The following GALNT18 variants were observed in gnomAD, a reference collection of about 807,000 sequenced individuals.
GALNT18 encodes the protein GalNAc-transferase 18.
Under a neutral mutation model 69.5 loss-of-function variants are expected in GALNT18, and 44 were observed. That is an observed-to-expected ratio of 0.63 (90% CI 0.50 to 0.81). The LOEUF is 0.81. Ranked by LOEUF, GALNT18 falls within the 40% of genes least tolerant of loss-of-function variation. The pLI is 0.00. For synonymous variants in GALNT18, 364 were observed against 318.2 expected (o/e 1.14, Z -1.53); for missense variants, 715 against 810.0 (o/e 0.88, Z 1.42).
chr11:11,576,263 C>G (rs926661398), intron 1 of GALNT18, among the ~76,000 whole-genome samples: 1 of 152,220 alleles, frequency 6.6e-6, no homozygotes, highest in Non-Finnish European at 1.5e-5. Context: ...AGACCCTCAT[C>G]GCTGCTCACC....
In GALNT18 at chr11:11,538,921, GC is replaced by G. The variant is rs373709701; in HGVS notation, c.235+82437del. Reference sequence around the variant, plus strand: ...TAAAAGATGCTTTGTCAACAGAGGTGCCCCCCAGATCCCTGGGTGCCGTGGG... The same window carrying G: ...TAAAAGATGCTTTGTCAACAGAGGTGCCCCCAGATCCCTGGGTGCCGTGGG... On this transcript the variant is annotated intron_variant, in intron 1 of 10. Transcript: ENST00000227756. This position sits in a 1 kb window ranked among gnomAD's most constrained non-coding sequence, Gnocchi z 5.2. 2.0e-4 allele frequency among the ~76,000 whole-genome samples: 30 copies of G among 152,222 alleles called. No homozygotes were observed. The highest frequency in any genetic ancestry group is 4.0e-4 in the Non-Finnish European group (27 of 68,012).
intron 9 of GALNT18, among the ~76,000 whole-genome samples, chr11:11,299,427 C>T (rs4909982): frequency 0.28 from 41,910 of 151,968 alleles, 6,088 homozygotes; most frequent in Middle Eastern, 0.39. Flanking sequence ...ATTACAGGCA[C>T]AGCCACTGTG....
rs972063411 is a variant in GALNT18, at chr11:11,547,293, G to C, written c.235+74066C>G. ...TTTCCTGAAGGCTGGAGTGAAGGGT[G>C]GGGGTGGAGGCAGCCACAGAGGAGC... is the stretch of plus-strand genomic sequence containing the variant. On this transcript the variant is annotated intron_variant, in intron 1 of 10. Transcript: ENST00000227756. Among the ~76,000 whole-genome samples, 7 of 152,166 alleles carry C rather than the reference G, an allele frequency of 4.6e-5. No individual in the cohort carries two copies. The East Asian group carries it at 9.7e-4, about 21-fold the overall frequency.
rs188683191 is a variant in GALNT18, at chr11:11,411,756, A to C, written c.595+20865T>G. Among the ~76,000 whole-genome samples the C allele has an allele frequency of 2.1e-3, 325 of 152,324 alleles. 1 individual carries two copies. Among genetic ancestry groups the C allele is most frequent in the African/African-American group, 7.3e-3 (304 of 41,588 alleles). ...GGCCCTTGAGGAATCCTGGCCAGCA[A>C]GTGAGGGAAGCAAGTCAGGGCAGGG... On this transcript the variant is annotated intron_variant, in intron 3 of 10. Coordinates refer to ENST00000227756, the MANE Select transcript of GALNT18 (RefSeq NM_198516.3).
intron 1 of GALNT18, among the ~76,000 whole-genome samples, chr11:11,556,981 T>C (rs147162593): frequency 7.6e-4 from 116 of 152,322 alleles, no homozygotes; most frequent in South Asian, 7.3e-3. Flanking sequence ...TGCCATAACA[T>C]TAGTCTGCCC....
In GALNT18 at chr11:11,621,867, C is replaced by T. The variant is rs575536355; in HGVS notation, c.-274G>A. 1.7e-4 allele frequency: 60 copies of T among 360,292 alleles called. No homozygotes were observed. The highest frequency in any genetic ancestry group is 1.2e-3 in the African/African-American group (57 of 47,890). 22.3% of individuals were successfully genotyped at this position (360,292 alleles called of 1,614,324 possible). On this transcript the variant is annotated 5_prime_UTR_variant, in exon 1 of 11. In the 5' UTR this introduces an upstream ATG that the reference lacks. Coordinates refer to ENST00000227756, the MANE Select transcript of GALNT18 (RefSeq NM_198516.3). This position sits in a 1 kb window ranked among gnomAD's most constrained non-coding sequence, Gnocchi z 9.3. ...CCCTGAACCCTTCCTAGAGGGGTCA[C>T]GGGTAGCCGGCAGCCGCGCGTCCAG...
intron 1 of GALNT18, among the ~76,000 whole-genome samples, chr11:11,521,119 G>A (rs564815282): frequency 1.8e-4 from 27 of 151,540 alleles, no homozygotes; most frequent in Non-Finnish European, 3.4e-4. Flanking sequence ...TAGGAATCTC[G>A]TATCCTCTTC....
intron 10 of GALNT18, among the ~76,000 whole-genome samples, chr11:11,272,024 C>T (rs190742640): frequency 0.011 from 1,438 of 136,558 alleles, 15 homozygotes; most frequent in Non-Finnish European, 0.017. Flanking sequence ...GTCTGAGCAT[C>T]TCTGAGTTAC....
intron 10 of GALNT18, among the ~76,000 whole-genome samples, chr11:11,278,488 A>C (rs1420627090): frequency 6.6e-6 from 1 of 152,040 alleles, no homozygotes; most frequent in Non-Finnish European, 1.5e-5. Flanking sequence ...CATTCTGCAC[A>C]TGTACCCCAG....
At chr11:11,548,137 C>T (rs1189262497) in intron 1 of GALNT18, among the ~76,000 whole-genome samples, 2 of 152,194 alleles carry the variant, frequency 1.3e-5, no homozygotes, top group Admixed American at 1.3e-4. Context: ...CTAAATTTGC[C>T]ATCATTTCAT....
chr11:11,580,251 G>T (rs1387808351), intron 1 of GALNT18, among the ~76,000 whole-genome samples: 1 of 152,124 alleles, frequency 6.6e-6, no homozygotes, highest in Non-Finnish European at 1.5e-5. Flanking sequence ...AAATACCTCG[G>T]CAGACTCAGG....
At chr11:11,273,709 A>G (rs1170710523) in intron 10 of GALNT18, among the ~76,000 whole-genome samples, 2 of 152,206 alleles carry the variant, frequency 1.3e-5, no homozygotes, top group African/African-American at 2.4e-5. Context: ...CCCAAAAGAA[A>G]GGAAACCAGC....
intron 1 of GALNT18, among the ~76,000 whole-genome samples, chr11:11,504,901 G>C (rs892860388): frequency 2.6e-5 from 4 of 152,158 alleles, no homozygotes; most frequent in African/African-American, 9.7e-5. Flanking sequence ...AAGTTCCTAA[G>C]ATCCCTGTCC....
chr11:11,470,649 C>T lies in GALNT18; in HGVS notation c.236-21713G>A, dbSNP rs1856247912. On this transcript the variant is annotated intron_variant, in intron 1 of 10. Coordinates refer to ENST00000227756, the MANE Select transcript of GALNT18 (RefSeq NM_198516.3). The surrounding 1 kb of genome is among the most constrained non-coding windows in gnomAD (Gnocchi z 4.8). The stretch of plus-strand genomic sequence containing the variant: ...GATATTGGCAGAGACAGGGGATTGA[C>T]TGAAAGACCCCTTTCAGGCTCCACT... 1.3e-5 allele frequency among the ~76,000 whole-genome samples: 2 copies of T among 152,136 alleles called. No individual in the cohort carries two copies. Among genetic ancestry groups the T allele is most frequent in the South Asian group, 4.2e-4 (2 of 4,818 alleles).
intron 1 of GALNT18, among the ~76,000 whole-genome samples, chr11:11,527,069 C>G (rs1033463993): frequency 1.3e-5 from 2 of 152,092 alleles, no homozygotes; most frequent in Non-Finnish European, 2.9e-5. Context: ...ACCAGATTGC[C>G]AATGACCTTG....
In GALNT18 at chr11:11,436,481, G is replaced by A. The variant is rs10831611; in HGVS notation, c.429-3694C>T. 0.18 allele frequency among the ~76,000 whole-genome samples: 27,301 copies of A among 152,056 alleles called. 3,100 individuals carry two copies. Among genetic ancestry groups the A allele is most frequent in the East Asian group, 0.53 (2,727 of 5,128 alleles). Reference sequence around the variant, plus strand: ...CACACCAGGTCAGGCGGTCCCCCATGCCTATACCACCAGCTCTGAGGGCAC... The same window carrying A: ...CACACCAGGTCAGGCGGTCCCCCATACCTATACCACCAGCTCTGAGGGCAC... On this transcript the variant is annotated intron_variant, in intron 2 of 10. Coordinates refer to ENST00000227756, the MANE Select transcript of GALNT18 (RefSeq NM_198516.3). The surrounding 1 kb of genome is among the most constrained non-coding windows in gnomAD (Gnocchi z 4.5).
At chr11:11,289,906 G>C (rs1590012026) in intron 10 of GALNT18, among the ~76,000 whole-genome samples, 1 of 152,168 alleles carries the variant, frequency 6.6e-6, no homozygotes, top group South Asian at 2.1e-4. Flanking sequence ...AACTGTATAA[G>C]GCTGAACACA....
intron 6 of GALNT18, among the ~76,000 whole-genome samples, chr11:11,353,586 G>A (rs2133070447): frequency 6.6e-6 from 1 of 152,200 alleles, no homozygotes; most frequent in South Asian, 2.1e-4. Flanking sequence ...TCTCTAATCA[G>A]TGGCTGTTTC....
At chr11:11,412,633 A>C (rs1258046045) in intron 3 of GALNT18, among the ~76,000 whole-genome samples, 1 of 152,230 alleles carries the variant, frequency 6.6e-6, no homozygotes, top group Non-Finnish European at 1.5e-5. Flanking sequence ...GCCTGTGTAG[A>C]TTTGGACACA....
Sources: gnomAD v4.1 joint callset for allele counts (sites outside exome capture counted in the v4.1 genomes callset) on GRCh38, gnomAD v4.1.1 for gene constraint, Gnocchi (gnomAD v3.1) non-coding constraint, MANE v1.5 for transcripts, NCBI Gene and HGNC (gene_info 2026-07-23, HGNC 2026-07-21) for gene names.